NCAPG: variants seen among roughly 807,000 people sequenced by gnomAD.
The protein encoded by NCAPG is condensin complex subunit 3.
A neutral mutation model predicts 113.1 loss-of-function variants in NCAPG; 69 were observed. That is an observed-to-expected ratio of 0.61 (90% CI 0.50 to 0.75). NCAPG has a LOEUF of 0.75. Among genes scored for constraint, NCAPG ranks in the 30% least tolerant of loss-of-function variants. NCAPG has a pLI of 0.00. For missense variants in NCAPG, 1,058 were observed against 1,177.0 expected (o/e 0.90, Z 1.48); for synonymous variants, 370 against 415.8 (o/e 0.89, Z 1.34).
chr4:17,841,392 G>A (rs1023730210), intron 19 of NCAPG: 1 of 151,854 alleles, frequency 6.6e-6, no homozygotes, highest in Non-Finnish European at 1.5e-5. Context: ...CTAAAATGGA[G>A]TCTGGTCATA....
chr4:17,828,274 T>G lies in NCAPG; in HGVS notation c.1654-4T>G, dbSNP rs767291322. 1.3e-6 allele frequency: 2 copies of G among 1,597,126 alleles called. No individual in the cohort carries two copies. The highest frequency in any genetic ancestry group is 2.3e-5 in the South Asian group (2 of 88,576). ...TAATGCTGAATATTTTGTCTTCATTTTAGAATGATGCTGAAACATTGCAGA... is the reference window on the plus strand; with the variant it reads ...TAATGCTGAATATTTTGTCTTCATTGTAGAATGATGCTGAAACATTGCAGA... On this transcript the variant is annotated splice_polypyrimidine_tract_variant and splice_region_variant and intron_variant, in intron 11 of 20. Coordinates refer to ENST00000251496, the MANE Select transcript of NCAPG (RefSeq NM_022346.5).
At chr4:17,819,634 T>G (rs553012571) in intron 7 of NCAPG, among the ~76,000 whole-genome samples, 24 of 152,304 alleles carry the variant, frequency 1.6e-4, no homozygotes, top group African/African-American at 4.3e-4. Flanking sequence ...TCTCTTGACC[T>G]CGTGATCTGC....
chr4:17,826,926 G>T (rs763534894), intron 11 of NCAPG, among the ~76,000 whole-genome samples: 1 of 152,098 alleles, frequency 6.6e-6, no homozygotes, highest in Non-Finnish European at 1.5e-5. Context: ...TCTTCCTATA[G>T]GCCTATGAGG....
At chr4:17,822,279 T>C (rs11932971) in intron 7 of NCAPG, among the ~76,000 whole-genome samples, 30,236 of 147,106 alleles carry the variant, frequency 0.21, 3,610 homozygotes, top group African/African-American at 0.34. Context: ...CTGCAACCCC[T>C]GCCTCCTGGA....
intron 7 of NCAPG, among the ~76,000 whole-genome samples, chr4:17,821,616 A>G (rs1721460344): frequency 6.6e-6 from 1 of 151,688 alleles, no homozygotes; most frequent in Non-Finnish European, 1.5e-5. Flanking sequence ...GGTGCCTGCC[A>G]CCACATTTGG....
In NCAPG at chr4:17,811,924, CG is replaced by C. The variant is rs1397052582; in HGVS notation, c.112-296del. Among the ~76,000 whole-genome samples, 1 of 151,848 alleles carries C rather than the reference CG, an allele frequency of 6.6e-6. No homozygotes were observed. Among genetic ancestry groups the C allele is most frequent in the Non-Finnish European group, 1.5e-5 (1 of 67,970 alleles). On this transcript the variant is annotated intron_variant, in intron 1 of 20. Coordinates refer to ENST00000251496, the MANE Select transcript of NCAPG (RefSeq NM_022346.5). The surrounding 1 kb of genome is among the most constrained non-coding windows in gnomAD (Gnocchi z 5.3). ...TATTGATTTTGGGTTGTTGAAGAAG[CG>C]TATTTGTAACGTACTGGTACTAAAG...
chr4:17,842,498 T>A, intron 20 of NCAPG, 119 bp downstream of exon 20: 2 of 776,070 alleles, frequency 2.6e-6, no homozygotes, highest in South Asian at 3.3e-5. Context: ...GTGAAAACTA[T>A]AAATAGCTGT....
chr4:17,813,940 G>A (rs1228039537), intron 3 of NCAPG, among the ~76,000 whole-genome samples: 1 of 151,786 alleles, frequency 6.6e-6, no homozygotes, highest in East Asian at 1.9e-4. Context: ...TTTTTTTGGT[G>A]TTAAAAGATA....
chr4:17,830,658 A>G (rs1413368024), intron 12 of NCAPG, among the ~76,000 whole-genome samples: 2 of 151,844 alleles, frequency 1.3e-5, no homozygotes, highest in East Asian at 1.9e-4. Context: ...GATAGCATTG[A>G]ATCCAAGCCA....
intron 7 of NCAPG, among the ~76,000 whole-genome samples, chr4:17,819,850 T>C (rs1157733980): frequency 6.6e-6 from 1 of 152,150 alleles, no homozygotes; most frequent in Non-Finnish European, 1.5e-5. Context: ...CCCTCAAAAA[T>C]CCTAAATCTA....
At chr4:17,833,958 A>G (rs1046771816) in intron 13 of NCAPG, among the ~76,000 whole-genome samples, 1 of 152,232 alleles carries the variant, frequency 6.6e-6, no homozygotes, top group Non-Finnish European at 1.5e-5. Flanking sequence ...TCTTAAAAAA[A>G]TAAAATCATA....
In NCAPG at chr4:17,837,130, T is replaced by C. The variant is rs563965388; in HGVS notation, c.2110-29T>C. 6.6e-4 allele frequency: 1,056 copies of C among 1,601,506 alleles called. 12 individuals carry two copies. In the South Asian group the frequency reaches 0.011, roughly 17 times the overall value. ...GGCTTAAAAAGGAGATACAAATAAATTTCTTCTAATGAATGTCATCTTTGT... is the reference window on the plus strand; with the variant it reads ...GGCTTAAAAAGGAGATACAAATAAACTTCTTCTAATGAATGTCATCTTTGT... On this transcript the variant is annotated intron_variant, in intron 14 of 20. Coordinates refer to ENST00000251496, the MANE Select transcript of NCAPG (RefSeq NM_022346.5).
intron 7 of NCAPG, 136 bp downstream of exon 7, chr4:17,818,224 T>C (rs1415896891): frequency 7.4e-6 from 6 of 810,112 alleles, no homozygotes; most frequent in African/African-American, 5.2e-5. Context: ...GATAGTTATA[T>C]ACATCGAGTC....
chr4:17,837,440 C>G (rs1238676944), intron 15 of NCAPG, 100 bp downstream of exon 15: 1 of 1,276,534 alleles, frequency 7.8e-7, no homozygotes, highest in Non-Finnish European at 1.1e-6. Flanking sequence ...GATACTTTTT[C>G]TGTCTTTAGT....
intron 16 of NCAPG, among the ~76,000 whole-genome samples, chr4:17,838,164 A>G (rs1267070804): frequency 6.6e-6 from 1 of 152,198 alleles, no homozygotes; most frequent in East Asian, 1.9e-4. Flanking sequence ...TTCAAAGACT[A>G]GAACTCACCT....
intron 3 of NCAPG, among the ~76,000 whole-genome samples, 197 bp from the exon 4 acceptor site, chr4:17,814,655 AG>A (rs1284821093): frequency 6.6e-6 from 1 of 152,176 alleles, no homozygotes; most frequent in Non-Finnish European, 1.5e-5. Context: ...TATATTGCTC[AG>A]GCTGGTCTTG....
intron 13 of NCAPG, among the ~76,000 whole-genome samples, chr4:17,832,609 G>T (rs1721909523): frequency 6.6e-6 from 1 of 152,150 alleles, no homozygotes; most frequent in Non-Finnish European, 1.5e-5. Flanking sequence ...TGGAGTATAG[G>T]GGAGAGGTCC....
rs926331809 is a variant in NCAPG at position 17,811,212 on chromosome 4, C to T, written c.111+24C>T. On this transcript the variant is annotated intron_variant, in intron 1 of 20. Transcript: ENST00000251496. The surrounding 1 kb of genome is among the most constrained non-coding windows in gnomAD (Gnocchi z 5.3). ...CGGTAAGCGCTCCCGGCCCCGGCCG[C>T]CGCCTCTCGCCCGCCCCGGCCCACC... is the stretch of plus-strand genomic sequence containing the variant. The T allele has an allele frequency of 3.6e-6, 5 of 1,399,908 alleles. No homozygotes were observed. The highest frequency in any genetic ancestry group is 3.0e-5 in the African/African-American group (2 of 66,408). 86.7% of individuals were successfully genotyped at this position (1,399,908 alleles called of 1,614,324 possible). A position where few individuals can be genotyped will look rare whatever the true frequency, so the allele number is the denominator to read the frequency against.
rs980364649 is a variant in NCAPG, at chr4:17,823,175, T to G, written c.1259+52T>G. 3.3e-6 allele frequency: 5 copies of G among 1,511,250 alleles called. No individual in the cohort carries two copies. In the African/African-American group the frequency reaches 4.2e-5, roughly 13 times the overall value. The allele number at this position is 1,511,250 out of a possible 1,614,324, so 93.6% of individuals were successfully genotyped here. ...TAATTTGCCCTTCTAATTTCTTATA[T>G]TGAAATATAGTCCTTTTACAATATA... On this transcript the variant is annotated intron_variant, in intron 8 of 20. Transcript: ENST00000251496.
Sources: gnomAD v4.1 joint callset for allele counts (sites outside exome capture counted in the v4.1 genomes callset) on GRCh38, gnomAD v4.1.1 for gene constraint, Gnocchi (gnomAD v3.1) non-coding constraint, MANE v1.5 for transcripts, NCBI Gene and HGNC (gene_info 2026-07-23, HGNC 2026-07-21) for gene names.